HK2: variants seen among roughly 807,000 people sequenced by gnomAD.
HK2 encodes the protein hexokinase 2.
In HK2, 42 loss-of-function variants were observed where a neutral mutation model predicts 92.9. That is an observed-to-expected ratio of 0.45 (90% CI 0.35 to 0.58). The LOEUF is 0.58. HK2 is among the 20% of genes least tolerant of loss of function. The pLI, the probability that HK2 is intolerant of heterozygous loss-of-function variation, is 0.00. For synonymous variants in HK2, 422 were observed against 468.0 expected (o/e 0.90, Z 1.27); for missense variants, 978 against 1,245.1 (o/e 0.79, Z 3.23).
intron 2 of HK2, among the ~76,000 whole-genome samples, chr2:74,862,911 CAG>C (rs1249065679): frequency 3.9e-5 from 6 of 152,188 alleles, no homozygotes; most frequent in Admixed American, 1.3e-4. Context: ...CCTTTTAAAA[CAG>C]ATGATGAAAT....
rs114262130 is a variant in HK2 at position 74,847,766 on chromosome 2, T to A, written c.64-6527T>A. On this transcript the variant is annotated intron_variant, in intron 1 of 17. Coordinates refer to ENST00000290573, the MANE Select transcript of HK2 (RefSeq NM_000189.5). The stretch of plus-strand genomic sequence containing the variant: ...TGACAGTCAAGGCAAAAAGGATAGT[T>A]AGTTCTCTTTGAGTCAGTCGTTTTC... 6.6e-3 allele frequency among the ~76,000 whole-genome samples: 1,001 copies of A among 152,308 alleles called. 12 individuals carry two copies. Among genetic ancestry groups the A allele is most frequent in the African/African-American group, 0.023 (951 of 41,566 alleles).
chr2:74,872,453 C>G (rs1328683895), intron 4 of HK2, 34 bp downstream of exon 4: 2 of 1,612,862 alleles, frequency 1.2e-6, no homozygotes, highest in Non-Finnish European at 1.7e-6. Context: ...TGTTGCTTCA[C>G]TCTTGGGGCT....
intron 7 of HK2, 39 bp downstream of exon 7, chr2:74,874,488 G>A (rs766834658): frequency 5.8e-5 from 90 of 1,552,492 alleles, no homozygotes; most frequent in Admixed American, 4.6e-4. Context: ...CTTGGCGGGG[G>A]CCTGGAGCTG....
At chr2:74,844,667 T>G (rs1043099560) in intron 1 of HK2, among the ~76,000 whole-genome samples, 2 of 152,154 alleles carry the variant, frequency 1.3e-5, no homozygotes, top group African/African-American at 4.8e-5. Context: ...AGAGGCAGAT[T>G]CTGGTCCCTG....
chr2:74,853,626 G>T (rs1371450075), intron 1 of HK2, among the ~76,000 whole-genome samples: 2 of 151,942 alleles, frequency 1.3e-5, no homozygotes, highest in African/African-American at 2.4e-5. Flanking sequence ...GCTGAGGTGG[G>T]AGGATCACCT....
intron 5 of HK2, among the ~76,000 whole-genome samples, 179 bp from the exon 6 acceptor site, chr2:74,873,665 G>A (rs147505602): frequency 9.8e-4 from 149 of 152,118 alleles, no homozygotes; most frequent in African/African-American, 3.3e-3. Context: ...GTTGACATGG[G>A]AGTGGAATGG....
intron 15 of HK2, 40 bp from the exon 16 acceptor site, chr2:74,887,863 C>T (rs1404102870): frequency 6.2e-7 from 1 of 1,607,290 alleles, no homozygotes; most frequent in South Asian, 1.1e-5. Flanking sequence ...CATCCCTCCA[C>T]CTTCCTACTT....
In HK2 at chr2:74,877,213, T is replaced by A; in HGVS notation, c.923T>A (p.Leu308His). ...ATGTACATGGGGGAGCTGGTGAGGC[T>A]TATCCTGGTGAAGATGGCCAAGGAG... ...SGMYMGELVR[L>H]ILVKMAKEEL... The change falls in exon 8 of 18, where the codon CTT (leucine) becomes CAT (histidine). Residue 308 changes from leucine (L) to histidine (H), a missense_variant. Leu to His is a moderately conservative substitution (Grantham distance 99). Coordinates refer to ENST00000290573, the MANE Select transcript of HK2 (RefSeq NM_000189.5). 1 of 1,614,172 alleles carries A rather than the reference T, an allele frequency of 6.2e-7. No homozygotes were observed. The highest frequency in any genetic ancestry group is 8.5e-7 in the Non-Finnish European group (1 of 1,180,036).
At chr2:74,883,849 A>G (rs1007971631) in intron 12 of HK2, among the ~76,000 whole-genome samples, 3 of 152,238 alleles carry the variant, frequency 2.0e-5, no homozygotes, top group Non-Finnish European at 4.4e-5. Context: ...TAGTAGTTAA[A>G]TAAATTATGA....
At chr2:74,838,384 TTCGCAGTTATC>T (rs1688220245) in intron 1 of HK2, among the ~76,000 whole-genome samples, 1 of 152,080 alleles carries the variant, frequency 6.6e-6, no homozygotes, top group East Asian at 1.9e-4. Flanking sequence ...GGAGGGGTAG[TTCGCAGTTATC>T]TCTTCATCCA....
At position 74,834,773 on chromosome 2, in the gene HK2, C is replaced by A; in HGVS notation, c.63+130C>A. ...GGCCTGGGAGCGGAAAAAGTTTGGG[C>A]AGCCGGGACACTCCTGGGCGCCAGG... On this transcript the variant is annotated intron_variant, in intron 1 of 17. Transcript: ENST00000290573. The surrounding 1 kb of genome is among the most constrained non-coding windows in gnomAD (Gnocchi z 4.2). 2 of 977,712 alleles carry A rather than the reference C, an allele frequency of 2.0e-6. No individual in the cohort carries two copies. Among genetic ancestry groups the A allele is most frequent in the Non-Finnish European group, 1.6e-6 (1 of 623,898 alleles). 60.6% of individuals were successfully genotyped at this position (977,712 alleles called of 1,614,324 possible).
intron 4 of HK2, 51 bp downstream of exon 4, chr2:74,872,470 G>C (rs1368455292): frequency 6.2e-7 from 1 of 1,610,666 alleles, no homozygotes; most frequent in African/African-American, 1.3e-5. Context: ...GGCTGGGAGG[G>C]CTGAGAGGGA....
Position 74,885,628 on chromosome 2 carries a change from C to A in HK2, c.1935+39C>A, listed in dbSNP as rs768727076. The A allele has an allele frequency of 3.1e-6, 4 of 1,290,362 alleles. No homozygotes were observed. The South Asian group carries it at 4.7e-5, about 15-fold the overall frequency. 79.9% of individuals were successfully genotyped at this position (1,290,362 alleles called of 1,614,324 possible). A position where few individuals can be genotyped will look rare whatever the true frequency, so the allele number is the denominator to read the frequency against. On this transcript the variant is annotated intron_variant, in intron 13 of 17. Transcript: ENST00000290573. ...GGCACGAGGTCTGATGTGTCAGCTC[C>A]TCAATGATTGGCCTGGTCTGTGTGT...
intron 10 of HK2, 30 bp from the exon 11 acceptor site, chr2:74,881,681 A>G (rs202130937): frequency 3.7e-6 from 6 of 1,613,228 alleles, no homozygotes; most frequent in Non-Finnish European, 2.5e-6. Context: ...TTCTGCCCCA[A>G]CTTATCACTT....
intron 3 of HK2, 44 bp downstream of exon 3, chr2:74,867,828 C>A: frequency 6.2e-7 from 1 of 1,610,414 alleles, no homozygotes; most frequent in Non-Finnish European, 8.5e-7. Flanking sequence ...CAAAAAACTT[C>A]CTTGGCATGT....
At chr2:74,882,502 C>A (rs1243538630) in intron 12 of HK2, among the ~76,000 whole-genome samples, 1 of 150,262 alleles carries the variant, frequency 6.7e-6, no homozygotes, top group Non-Finnish European at 1.5e-5. Context: ...GTGACTCATA[C>A]CTGTAATCTC....
chr2:74,860,073 C>A (rs147400930), intron 2 of HK2, among the ~76,000 whole-genome samples: 2 of 151,896 alleles, frequency 1.3e-5, no homozygotes, highest in East Asian at 3.9e-4. Flanking sequence ...CCAAAACAGA[C>A]AAATACCGCA....
At chr2:74,874,027 G>A in intron 6 of HK2, 84 bp downstream of exon 6, 1 of 1,111,774 alleles carries the variant, frequency 9.0e-7, no homozygotes, top group Non-Finnish European at 1.4e-6. Flanking sequence ...CCCATGGGCT[G>A]GGTGTTCCTT....
At chr2:74,835,285 CT>C (rs1365797791) in intron 1 of HK2, 4 of 160,900 alleles carry the variant, frequency 2.5e-5, no homozygotes, top group African/African-American at 9.6e-5. Flanking sequence ...ACCCCCGCCC[CT>C]CCAAATCAGC....
Sources: gnomAD v4.1 joint callset for allele counts (sites outside exome capture counted in the v4.1 genomes callset) on GRCh38, gnomAD v4.1.1 for gene constraint, Gnocchi (gnomAD v3.1) non-coding constraint, MANE v1.5 for transcripts, NCBI Gene and HGNC (gene_info 2026-07-23, HGNC 2026-07-21) for gene names.